The following ZNF407 variants were observed in gnomAD, a reference collection of about 807,000 sequenced individuals.
The protein encoded by ZNF407 is zinc finger protein 407.
In ZNF407, 17 loss-of-function variants were observed where a neutral mutation model predicts 131.2. The ratio of observed to expected loss-of-function variants is 0.13; its 90% CI spans 0.09 to 0.19. The LOEUF (loss-of-function observed/expected upper bound fraction) is 0.19, where lower values mean the gene tolerates loss of function less well. Ranked by LOEUF, ZNF407 falls within the 10% of genes least tolerant of loss-of-function variation. The pLI is 1.00. For synonymous variants in ZNF407, 1,156 were observed against 1,062.0 expected (o/e 1.09, Z -1.72); for missense variants, 2,681 against 2,830.6 (o/e 0.95, Z 1.20).
At chr18:74,663,507 C>T (rs1376357072) in intron 3 of ZNF407, among the ~76,000 whole-genome samples, 1 of 152,134 alleles carries the variant, frequency 6.6e-6, no homozygotes, top group Non-Finnish European at 1.5e-5. Context: ...TATTTCAACT[C>T]AGAACATCAA....
intron 3 of ZNF407, among the ~76,000 whole-genome samples, chr18:74,662,891 T>C (rs1159020142): frequency 6.6e-6 from 1 of 152,168 alleles, no homozygotes; most frequent in East Asian, 1.9e-4. Context: ...TGCATGGAGG[T>C]AGAAGTAAAA....
intron 7 of ZNF407, among the ~76,000 whole-genome samples, chr18:74,919,626 C>G (rs920398639): frequency 6.6e-6 from 1 of 152,186 alleles, no homozygotes; most frequent in South Asian, 2.1e-4. Flanking sequence ...GATAACCCCT[C>G]AACACCTACT....
At chr18:74,687,729 C>G (rs569575944) in intron 3 of ZNF407, among the ~76,000 whole-genome samples, 1 of 152,120 alleles carries the variant, frequency 6.6e-6, no homozygotes, top group Admixed American at 6.5e-5. Flanking sequence ...TTAACTTGCA[C>G]TCATTTATTA....
intron 4 of ZNF407, among the ~76,000 whole-genome samples, chr18:74,876,052 C>G (rs116337252): frequency 7.2e-5 from 11 of 152,228 alleles, no homozygotes; most frequent in African/African-American, 2.4e-4. Context: ...CCCTGGGATT[C>G]TTTATCAGCC....
intron 4 of ZNF407, among the ~76,000 whole-genome samples, chr18:74,831,816 A>C (rs62089885): frequency 1.3e-5 from 2 of 151,568 alleles, no homozygotes; most frequent in Non-Finnish European, 2.9e-5. Context: ...TGCCACTCCC[A>C]CCCCTGCTGT....
chr18:74,716,874 G>A (rs1042814240), intron 3 of ZNF407, among the ~76,000 whole-genome samples: 6 of 152,102 alleles, frequency 3.9e-5, no homozygotes, highest in African/African-American at 1.4e-4. Flanking sequence ...CTTCATTGTT[G>A]TGATTGTTAC....
intron 8 of ZNF407, among the ~76,000 whole-genome samples, chr18:75,034,388 C>T (rs560034964): frequency 7.6e-4 from 113 of 148,688 alleles, no homozygotes; most frequent in African/African-American, 2.6e-3. Flanking sequence ...ACTGCAAGCT[C>T]CGCCTCCCGG....
chr18:74,737,649 T>A (rs1050612437), intron 3 of ZNF407, among the ~76,000 whole-genome samples: 2 of 151,914 alleles, frequency 1.3e-5, no homozygotes, highest in Non-Finnish European at 2.9e-5. Flanking sequence ...TTTAGGTATG[T>A]ATTTTCAGCA....
intron 4 of ZNF407, among the ~76,000 whole-genome samples, chr18:74,862,898 G>A (rs1970956361): frequency 6.7e-6 from 1 of 149,882 alleles, no homozygotes; most frequent in South Asian, 2.1e-4. Context: ...TTCCCCAGAG[G>A]AAAAGTTTCT....
At chr18:74,615,599 C>G (rs370197487) in intron 1 of ZNF407, among the ~76,000 whole-genome samples, 2 of 152,306 alleles carry the variant, frequency 1.3e-5, no homozygotes, top group East Asian at 1.9e-4. Context: ...GGTTCTAGCA[C>G]TGTATCCAAA....
intron 8 of ZNF407, among the ~76,000 whole-genome samples, chr18:75,032,179 A>G (rs1443628384): frequency 6.6e-6 from 1 of 152,168 alleles, no homozygotes; most frequent in East Asian, 1.9e-4. Context: ...TGTCCGTCAA[A>G]CAAGCTTTTC....
intron 3 of ZNF407, among the ~76,000 whole-genome samples, chr18:74,694,269 TAAG>T (rs1967299496): frequency 1.3e-5 from 2 of 152,128 alleles, no homozygotes; most frequent in Non-Finnish European, 1.5e-5. Context: ...TAGGGATAGT[TAAG>T]CTCAATGTTA....
At chr18:74,618,522 G>C (rs903232220) in intron 1 of ZNF407, among the ~76,000 whole-genome samples, 3 of 152,144 alleles carry the variant, frequency 2.0e-5, no homozygotes, top group Non-Finnish European at 4.4e-5. Context: ...GTGGAGTTCT[G>C]ATTCTGAGTT....
Position 74,634,192 on chromosome 18 carries a change from G to A in ZNF407, c.3173G>A (p.Arg1058His), listed in dbSNP as rs368385934. 129 of 1,614,038 alleles carry A rather than the reference G, an allele frequency of 8.0e-5. No individual in the cohort carries two copies. The highest frequency in any genetic ancestry group is 9.8e-5 in the Non-Finnish European group (116 of 1,179,894). The change falls in exon 2 of 9, where the codon CGT (arginine) becomes CAT (histidine). Residue 1058 changes from arginine to histidine, a missense_variant. Physicochemically the swap from Arg to His is conservative, Grantham distance 29. Coordinates refer to ENST00000299687, the MANE Select transcript of ZNF407 (RefSeq NM_017757.3). ...CMACDYYAVT[R>H]REMTRHAATE... ...GCATGCGATTACTACGCGGTGACTC[G>A]TCGCGAGATGACCAGGCATGCAGCA...
intron 3 of ZNF407, among the ~76,000 whole-genome samples, chr18:74,707,927 A>G (rs187817031): frequency 2.6e-4 from 40 of 152,352 alleles, no homozygotes; most frequent in Admixed American, 2.4e-3. Context: ...ATGTTCAGAA[A>G]CAGTACAAAT....
intron 3 of ZNF407, among the ~76,000 whole-genome samples, chr18:74,726,218 T>G (rs770652561): frequency 6.6e-6 from 1 of 152,198 alleles, no homozygotes; most frequent in Non-Finnish European, 1.5e-5. Flanking sequence ...CTTAGATGTA[T>G]GTAGACTGCC....
At chr18:74,774,766 C>T (rs1447805065) in intron 3 of ZNF407, among the ~76,000 whole-genome samples, 1 of 152,140 alleles carries the variant, frequency 6.6e-6, no homozygotes, top group Non-Finnish European at 1.5e-5. Flanking sequence ...GTAGATATTA[C>T]TGAGTCAGTA....
chr18:74,958,641 A>G (rs1449715576), intron 8 of ZNF407, among the ~76,000 whole-genome samples: 2 of 152,228 alleles, frequency 1.3e-5, no homozygotes, highest in Admixed American at 1.3e-4. Flanking sequence ...GAGGGTGAGT[A>G]AGCCGGGGCT....
At chr18:74,950,461 A>G (rs531990979) in intron 8 of ZNF407, among the ~76,000 whole-genome samples, 1 of 152,240 alleles carries the variant, frequency 6.6e-6, no homozygotes, top group South Asian at 2.1e-4. Flanking sequence ...CATAGACCTT[A>G]TTTAGAAGTC....
Sources: gnomAD v4.1 joint callset for allele counts (sites outside exome capture counted in the v4.1 genomes callset) on GRCh38, gnomAD v4.1.1 for gene constraint, MANE v1.5 for transcripts, NCBI Gene and HGNC (gene_info 2026-07-23, HGNC 2026-07-21) for gene names.